The following SLC25A12 variants were observed in gnomAD, a reference collection of about 807,000 sequenced individuals.
The protein encoded by SLC25A12 is solute carrier family 25 member 12.
Under a neutral mutation model 83.3 loss-of-function variants are expected in SLC25A12, and 32 were observed. The ratio of observed to expected loss-of-function variants is 0.38; its 90% CI spans 0.29 to 0.52. The LOEUF is 0.52. Ranked by LOEUF, SLC25A12 falls within the 20% of genes least tolerant of loss-of-function variation. The probability of loss-of-function intolerance (pLI) is 0.84; values close to 1 mark genes in which losing one functional copy is unlikely to be tolerated. For synonymous variants in SLC25A12, 267 were observed against 291.1 expected (o/e 0.92, Z 0.84); for missense variants, 611 against 835.6 (o/e 0.73, Z 3.31).
chr2:171,854,819 A>C (rs989092266), intron 4 of SLC25A12, among the ~76,000 whole-genome samples: 5 of 152,212 alleles, frequency 3.3e-5, no homozygotes, highest in Admixed American at 3.3e-4. Flanking sequence ...TTATAACTCA[A>C]ACACAATAGT....
intron 1 of SLC25A12, among the ~76,000 whole-genome samples, chr2:171,893,938 G>C (rs191609621): frequency 6.6e-6 from 1 of 152,020 alleles, no homozygotes. Flanking sequence ...CATGCACCTA[G>C]GACAGGACAT....
chr2:171,877,385 G>A (rs1256765105), intron 2 of SLC25A12, among the ~76,000 whole-genome samples: 2 of 151,814 alleles, frequency 1.3e-5, no homozygotes, highest in Non-Finnish European at 2.9e-5. Flanking sequence ...GTATGCAACC[G>A]GCTGGGCACG....
At chr2:171,839,061 T>C (rs1438972526) in intron 5 of SLC25A12, among the ~76,000 whole-genome samples, 1 of 152,124 alleles carries the variant, frequency 6.6e-6, no homozygotes, top group East Asian at 1.9e-4. Flanking sequence ...CAGGGTACAA[T>C]AGATATTGTA....
chr2:171,786,198 A>T (rs1469304606), intron 17 of SLC25A12, among the ~76,000 whole-genome samples: 1 of 150,196 alleles, frequency 6.7e-6, no homozygotes, highest in East Asian at 2.0e-4. Context: ...ACACGGTGAG[A>T]CCCCGTCTCT....
intron 13 of SLC25A12, among the ~76,000 whole-genome samples, chr2:171,795,487 T>C (rs962956818): frequency 3.9e-5 from 6 of 152,204 alleles, no homozygotes; most frequent in Admixed American, 6.5e-5. Flanking sequence ...TTGAAAAAGT[T>C]TACTACTTCC....
intron 3 of SLC25A12, among the ~76,000 whole-genome samples, chr2:171,863,938 T>G (rs998893574): frequency 2.6e-5 from 4 of 152,218 alleles, no homozygotes; most frequent in Non-Finnish European, 4.4e-5. Context: ...ATAAATGATA[T>G]AAAATCTTTC....
chr2:171,787,844 A>G lies in SLC25A12; in HGVS notation c.1689T>C (p.Cys563=), dbSNP rs1690517333. The G allele has an allele frequency of 6.2e-7, 1 of 1,614,208 alleles. No homozygotes were observed. The highest frequency in any genetic ancestry group is 8.5e-7 in the Non-Finnish European group (1 of 1,180,032). Residue 563 remains cysteine, a synonymous_variant, in exon 16 of 18, where the codon TGT becomes TGC. Coordinates refer to ENST00000422440, the MANE Select transcript of SLC25A12 (RefSeq NM_003705.5). ...CTTCTTCCCGGAGAATCTTCCTGAA[A>G]CAGTCGATGACACCACTGTATGTCG... ...GQTTYSGVID[C]FRKILREEGP...
At chr2:171,883,804 C>A (rs1170100867) in intron 2 of SLC25A12, among the ~76,000 whole-genome samples, 2 of 152,066 alleles carry the variant, frequency 1.3e-5, no homozygotes, top group Non-Finnish European at 2.9e-5. Context: ...TCTCATTATT[C>A]TGTTTACTTC....
chr2:171,817,393 G>A (rs1684075586), intron 9 of SLC25A12, among the ~76,000 whole-genome samples: 1 of 151,954 alleles, frequency 6.6e-6, no homozygotes, highest in South Asian at 2.1e-4. Flanking sequence ...CTTGAGTTCA[G>A]GAGTTCAAGA....
chr2:171,783,925 C>A lies in SLC25A12; in HGVS notation c.*1349G>T, dbSNP rs1690439987. 6.6e-6 allele frequency among the ~76,000 whole-genome samples: 1 copy of A among 152,184 alleles called. No individual in the cohort carries two copies. Among genetic ancestry groups the A allele is most frequent in the African/African-American group, 2.4e-5 (1 of 41,444 alleles). ...CTAAGTAACTTGGTCTGTCTCCAGGCTCGCCTCTTGAAAATATTTGCATAC... is the reference window on the plus strand; with the variant it reads ...CTAAGTAACTTGGTCTGTCTCCAGGATCGCCTCTTGAAAATATTTGCATAC... On this transcript the variant is annotated 3_prime_UTR_variant, in exon 18 of 18. Transcript: ENST00000422440.
chr2:171,820,738 A>G (rs2105872199), intron 9 of SLC25A12, among the ~76,000 whole-genome samples: 1 of 151,460 alleles, frequency 6.6e-6, no homozygotes, highest in African/African-American at 2.4e-5. Context: ...AAAAAAAAAA[A>G]AAAAAAGAAA....
chr2:171,819,855 A>G (rs1684146406), intron 9 of SLC25A12, among the ~76,000 whole-genome samples: 1 of 152,158 alleles, frequency 6.6e-6, no homozygotes, highest in Admixed American at 6.5e-5. Flanking sequence ...CGCTATACAC[A>G]AAATAAAGAT....
intron 14 of SLC25A12, among the ~76,000 whole-genome samples, chr2:171,792,627 A>G (rs2105838899): frequency 6.6e-6 from 1 of 151,984 alleles, no homozygotes; most frequent in South Asian, 2.1e-4. Context: ...GACAAACTCA[A>G]ACATTGAAAA....
chr2:171,851,833 C>A (rs1684940579), intron 4 of SLC25A12, among the ~76,000 whole-genome samples: 1 of 152,178 alleles, frequency 6.6e-6, no homozygotes, highest in Admixed American at 6.5e-5. Context: ...CTGCTCCCGG[C>A]CTTTTTTTCA....
chr2:171,811,135 T>C (rs1683938542), intron 11 of SLC25A12, among the ~76,000 whole-genome samples: 1 of 152,232 alleles, frequency 6.6e-6, no homozygotes, highest in African/African-American at 2.4e-5. Flanking sequence ...ACATTTTATA[T>C]CCTTTAAATC....
chr2:171,813,211 A>G, intron 11 of SLC25A12, 128 bp downstream of exon 11: 1 of 916,052 alleles, frequency 1.1e-6, no homozygotes, highest in East Asian at 2.5e-5. Context: ...CAAAGAGAAA[A>G]TAAAAAGAGA....
Position 171,875,424 on chromosome 2 carries a change from G to A in SLC25A12, c.67-6601C>T, listed in dbSNP as rs569363318. On this transcript the variant is annotated intron_variant, in intron 2 of 17. Coordinates refer to ENST00000422440, the MANE Select transcript of SLC25A12 (RefSeq NM_003705.5). Reference sequence around the variant, plus strand: ...ATGCCAAGAACCTGTACAACTTGCAGTCAAGACCCTCTACCTGTTACAGGT... The same window carrying A: ...ATGCCAAGAACCTGTACAACTTGCAATCAAGACCCTCTACCTGTTACAGGT... Among the ~76,000 whole-genome samples the A allele has an allele frequency of 5.9e-5, 9 of 152,216 alleles. No homozygotes were observed. The East Asian group carries it at 1.7e-3, about 29-fold the overall frequency.
intron 13 of SLC25A12, among the ~76,000 whole-genome samples, chr2:171,805,937 C>G (rs903830664): frequency 2.0e-5 from 3 of 151,884 alleles, no homozygotes; most frequent in Non-Finnish European, 4.4e-5. Context: ...GATGAAACCC[C>G]ATCTCTACAA....
intron 14 of SLC25A12, among the ~76,000 whole-genome samples, chr2:171,792,089 TA>T (rs199896883): frequency 0.019 from 2,827 of 152,166 alleles, 55 homozygotes; most frequent in Admixed American, 0.067. Flanking sequence ...CCCCATGTCC[TA>T]AATAGCAGAC....
Sources: gnomAD v4.1 joint callset for allele counts (sites outside exome capture counted in the v4.1 genomes callset) on GRCh38, gnomAD v4.1.1 for gene constraint, MANE v1.5 for transcripts, NCBI Gene and HGNC (gene_info 2026-07-23, HGNC 2026-07-21) for gene names.